DMD: variants seen among roughly 807,000 people sequenced by gnomAD.
The protein encoded by DMD is dystrophin.
Under a neutral mutation model 330.1 loss-of-function variants are expected in DMD, and 63 were observed. That is an observed-to-expected ratio of 0.19 (90% CI 0.16 to 0.24). The LOEUF is 0.24. DMD is among the 10% of genes least tolerant of loss of function. The probability of loss-of-function intolerance (pLI) is 1.00; values close to 1 mark genes in which losing one functional copy is unlikely to be tolerated. For synonymous variants in DMD, 1,223 were observed against 959.8 expected (o/e 1.27, Z -5.07); for missense variants, 3,344 against 2,684.1 (o/e 1.25, Z -5.43).
chrX:31,997,422 T>G (rs2095595214), intron 44 of DMD, among the ~76,000 whole-genome samples: 1 of 93,563 alleles, frequency 1.1e-5, no homozygotes, highest in Admixed American at 1.1e-4. Flanking sequence ...ATCTCTATTT[T>G]TTTTTGTTTT....
intron 2 of DMD, among the ~76,000 whole-genome samples, chrX:32,980,425 A>AAT (rs1283339037): frequency 9.3e-6 from 1 of 107,830 alleles, no homozygotes; most frequent in African/African-American, 3.4e-5. Flanking sequence ...TATTAGGAAG[A>AAT]ATATATAAAG....
chrX:32,314,716 A>G (rs2097576951), intron 41 of DMD, among the ~76,000 whole-genome samples: 1 of 111,878 alleles, frequency 8.9e-6, no homozygotes, highest in Non-Finnish European at 1.9e-5. Context: ...CCCCATCAGA[A>G]AGTGGGCAAA....
At chrX:32,797,291 T>A (rs960022120) in intron 7 of DMD, among the ~76,000 whole-genome samples, 2 of 112,053 alleles carry the variant, frequency 1.8e-5, no homozygotes, top group African/African-American at 6.5e-5. Context: ...CCCAGCCCTG[T>A]GATATCACTT....
intron 55 of DMD, chrX:31,508,464 G>A (rs2147188753): frequency 3.3e-6 from 1 of 305,379 alleles, no homozygotes; most frequent in African/African-American, 2.7e-5. Flanking sequence ...CTCAAAGAGA[G>A]GAGGCCTGGA....
chrX:31,246,865 G>A (rs2048874735), intron 63 of DMD, among the ~76,000 whole-genome samples: 1 of 110,153 alleles, frequency 9.1e-6, no homozygotes, highest in Admixed American at 9.7e-5. Flanking sequence ...GGTGGAGGTT[G>A]CAGTGAGCCA....
intron 64 of DMD, among the ~76,000 whole-genome samples, chrX:31,222,405 A>AAC (rs2046188416): frequency 9.4e-6 from 1 of 105,907 alleles, no homozygotes; most frequent in African/African-American, 3.4e-5. Flanking sequence ...AAAAAAAAAA[A>AAC]AAAAAAAAAA....
At chrX:32,230,762 G>A (rs1450120802) in intron 43 of DMD, among the ~76,000 whole-genome samples, 1 of 111,462 alleles carries the variant, frequency 9.0e-6, no homozygotes, top group Non-Finnish European at 1.9e-5. Flanking sequence ...TTGTGAAATA[G>A]GCATAATATA....
intron 44 of DMD, among the ~76,000 whole-genome samples, chrX:32,097,877 C>T (rs754049969): frequency 2.7e-5 from 3 of 111,582 alleles, no homozygotes; most frequent in Admixed American, 9.6e-5. Flanking sequence ...ATTTTTAACA[C>T]GGACTGTTAC....
intron 7 of DMD, among the ~76,000 whole-genome samples, chrX:32,752,376 C>T (rs1393527213): frequency 9.0e-6 from 1 of 110,976 alleles, no homozygotes; most frequent in African/African-American, 3.3e-5. Flanking sequence ...TAAGATTTGA[C>T]AGCCCTGCTG....
At chrX:32,714,815 T>G (rs1454886621) in intron 7 of DMD, among the ~76,000 whole-genome samples, 2 of 112,100 alleles carry the variant, frequency 1.8e-5, no homozygotes, top group African/African-American at 6.5e-5. Flanking sequence ...CTTCTCTTTT[T>G]TAAAAATAAT....
rs34927082 is a variant in DMD at position 31,270,188 on chromosome X, GT to G, written c.9225-9173del. Among the ~76,000 whole-genome samples the G allele has an allele frequency of 7.1e-3, 705 of 99,462 alleles. 10 individuals carry two copies. Among genetic ancestry groups the G allele is most frequent in the African/African-American group, 0.024 (647 of 27,410 alleles). The allele number at this position is 99,462 out of a possible 115,157, so 86.4% of individuals were successfully genotyped here. A position where few individuals can be genotyped will look rare whatever the true frequency, so the allele number is the denominator to read the frequency against. ...TTTGGGCAAAAGTTTACCATTCCTT[GT>G]TTTTTTTTTTTTCTCCTAGCCTGCC... On this transcript the variant is annotated intron_variant, in intron 62 of 78. Transcript: ENST00000357033.
intron 18 of DMD, among the ~76,000 whole-genome samples, chrX:32,513,919 C>A (rs1230993840): frequency 9.3e-6 from 1 of 107,770 alleles, no homozygotes. Context: ...AAGCAGTATC[C>A]CATAAGCCAA....
At chrX:32,020,415 G>C (rs1050224104) in intron 44 of DMD, among the ~76,000 whole-genome samples, 5 of 112,369 alleles carry the variant, frequency 4.4e-5, no homozygotes, top group Admixed American at 9.4e-5. Context: ...GACTGAAGTA[G>C]GTCTCCTCAA....
intron 3 of DMD, among the ~76,000 whole-genome samples, chrX:32,849,147 T>C (rs1201176324): frequency 9.0e-6 from 1 of 111,678 alleles, no homozygotes; most frequent in Non-Finnish European, 1.9e-5. Context: ...CTAAGACGAT[T>C]ATTTCAGTCA....
chrX:31,325,949 G>GTTTTT (rs79784755), intron 61 of DMD, among the ~76,000 whole-genome samples: 6 of 98,086 alleles, frequency 6.1e-5, no homozygotes, highest in Non-Finnish European at 8.2e-5. Context: ...TACCTTTCTA[G>GTTTTT]TTTTTTTTTT....
chrX:33,050,586 C>G (rs2094445208), intron 1 of DMD, among the ~76,000 whole-genome samples: 1 of 111,512 alleles, frequency 9.0e-6, no homozygotes, highest in African/African-American at 3.3e-5. Flanking sequence ...GAGCAGAGAT[C>G]AAGGGCAACA....
chrX:32,714,062 C>T (rs2065443197), intron 7 of DMD, among the ~76,000 whole-genome samples: 1 of 111,621 alleles, frequency 9.0e-6, no homozygotes, highest in Non-Finnish European at 1.9e-5. Context: ...TAAATGGGTA[C>T]TCAAAGTACG....
chrX:32,390,014 G>T, intron 31 of DMD, 57 bp downstream of exon 31: 1 of 914,981 alleles, frequency 1.1e-6, no homozygotes. Flanking sequence ...GTCCAATATA[G>T]ACTGGAGTAT....
At chrX:32,815,520 T>TATATATATATATATATAC in intron 6 of DMD, among the ~76,000 whole-genome samples, 7 of 78,957 alleles carry the variant, frequency 8.9e-5, no homozygotes, top group African/African-American at 3.7e-4. Flanking sequence ...TATATATATA[T>TATATATATATATATATAC]ACACACACAC....
Sources: gnomAD v4.1 joint callset for allele counts (sites outside exome capture counted in the v4.1 genomes callset) on GRCh38, gnomAD v4.1.1 for gene constraint, MANE v1.5 for transcripts, NCBI Gene and HGNC (gene_info 2026-07-23, HGNC 2026-07-21) for gene names.